SPMIP2: variants seen among roughly 807,000 people sequenced by gnomAD.
SPMIP2 encodes protein SPMIP2.
At chr4:159,038,164 A>T in the SPMIP2 span, among the ~76,000 whole-genome samples, 1 of 152,190 alleles carries the variant, frequency 6.6e-6, no homozygotes, top group Non-Finnish European at 1.5e-5. Context: ...AGATTACTAG[A>T]AGGGATAGTC....
At chr4:159,071,077 A>AAG in the SPMIP2 span, among the ~76,000 whole-genome samples, 1 of 152,220 alleles carries the variant, frequency 6.6e-6, no homozygotes, top group Admixed American at 6.5e-5. Context: ...TGGATGATCA[A>AAG]AGCATGGTCT....
the SPMIP2 span, among the ~76,000 whole-genome samples, chr4:159,044,572 T>C: frequency 2.0e-5 from 3 of 151,674 alleles, no homozygotes; most frequent in African/African-American, 7.3e-5. Flanking sequence ...GCTTTGGAAC[T>C]GGGGGAAAAA....
the SPMIP2 span, among the ~76,000 whole-genome samples, chr4:158,973,905 A>G: frequency 6.7e-6 from 1 of 149,168 alleles, no homozygotes; most frequent in African/African-American, 2.5e-5. Flanking sequence ...AGGATTGCTT[A>G]AGCCCAGGAG....
chr4:158,949,995 C>G, the SPMIP2 span, among the ~76,000 whole-genome samples: 1 of 152,222 alleles, frequency 6.6e-6, no homozygotes, highest in Non-Finnish European at 1.5e-5. Context: ...CTGGTCATGG[C>G]TGACAACCAC....
chr4:158,916,184 G>A, the SPMIP2 span, among the ~76,000 whole-genome samples: 1 of 152,170 alleles, frequency 6.6e-6, no homozygotes, highest in African/African-American at 2.4e-5. Flanking sequence ...ACAAGGCACC[G>A]TGAGGACCAG....
At chr4:159,063,325 G>A in the SPMIP2 span, among the ~76,000 whole-genome samples, 13 of 152,132 alleles carry the variant, frequency 8.5e-5, no homozygotes, top group African/African-American at 2.9e-4. Context: ...TTGGGAGACC[G>A]AGACAGGAGG....
the SPMIP2 span, among the ~76,000 whole-genome samples, chr4:159,027,975 G>A: frequency 2.0e-5 from 3 of 152,034 alleles, no homozygotes; most frequent in South Asian, 4.1e-4. Context: ...AATATTTCTG[G>A]TTTACATGAG....
the SPMIP2 span, among the ~76,000 whole-genome samples, chr4:158,901,855 T>C: frequency 1.4e-3 from 211 of 152,066 alleles, 1 homozygote; most frequent in African/African-American, 5.0e-3. Context: ...TATGTTCTTC[T>C]CTAAGCTAGT....
the SPMIP2 span, among the ~76,000 whole-genome samples, chr4:159,047,131 C>G: frequency 6.6e-6 from 1 of 152,106 alleles, no homozygotes; most frequent in Non-Finnish European, 1.5e-5. Context: ...GCTCTGGAAC[C>G]TAGCATTTAG....
the SPMIP2 span, among the ~76,000 whole-genome samples, chr4:158,933,678 C>CT: frequency 2.0e-5 from 3 of 151,468 alleles, no homozygotes; most frequent in African/African-American, 7.2e-5. Flanking sequence ...ACTTGCAAAA[C>CT]TTTTTTATGT....
chr4:158,935,547 T>C, the SPMIP2 span, among the ~76,000 whole-genome samples: 6 of 152,330 alleles, frequency 3.9e-5, no homozygotes, highest in African/African-American at 1.2e-4. Flanking sequence ...CAATTGTGCT[T>C]GTTTCTCTAA....
the SPMIP2 span, among the ~76,000 whole-genome samples, chr4:159,066,204 G>T: frequency 1.3e-5 from 2 of 152,070 alleles, no homozygotes; most frequent in African/African-American, 2.4e-5. Context: ...GAAACATTTT[G>T]CCATAAAACA....
chr4:158,967,086 T>C, the SPMIP2 span, among the ~76,000 whole-genome samples: 2 of 152,194 alleles, frequency 1.3e-5, no homozygotes, highest in African/African-American at 4.8e-5. Flanking sequence ...CCTTGATGTT[T>C]CCATGGTCTG....
At chr4:158,941,504 T>A in the SPMIP2 span, among the ~76,000 whole-genome samples, 5 of 152,118 alleles carry the variant, frequency 3.3e-5, no homozygotes, top group Non-Finnish European at 7.4e-5. Flanking sequence ...AAAAAAATTT[T>A]AAAAATTAGC....
the SPMIP2 span, among the ~76,000 whole-genome samples, chr4:158,956,631 G>A: frequency 6.6e-6 from 1 of 152,194 alleles, no homozygotes; most frequent in Admixed American, 6.5e-5. Context: ...TGAGCTCTGT[G>A]ACCCTGGTCA....
chr4:159,017,419 A>T, the SPMIP2 span, among the ~76,000 whole-genome samples: 1 of 151,632 alleles, frequency 6.6e-6, no homozygotes, highest in Non-Finnish European at 1.5e-5. Context: ...CCTGCAAATC[A>T]GTTCATTCAT....
chr4:158,936,668 A>G, the SPMIP2 span, among the ~76,000 whole-genome samples: 1 of 152,234 alleles, frequency 6.6e-6, no homozygotes, highest in Non-Finnish European at 1.5e-5. Flanking sequence ...CCTTTGGAAG[A>G]TTCACAGGAA....
At chr4:158,956,002 C>CA in the SPMIP2 span, among the ~76,000 whole-genome samples, 1 of 152,168 alleles carries the variant, frequency 6.6e-6, no homozygotes, top group Non-Finnish European at 1.5e-5. Flanking sequence ...TTTCTGAGGC[C>CA]ACTGATCACC....
chr4:159,058,248 T>C, the SPMIP2 span, among the ~76,000 whole-genome samples: 2 of 152,072 alleles, frequency 1.3e-5, no homozygotes, highest in African/African-American at 2.4e-5. Flanking sequence ...AATAGTATTA[T>C]TTTCTAAATG....
Sources: gnomAD v4.1 joint callset for allele counts (sites outside exome capture counted in the v4.1 genomes callset) on GRCh38, gnomAD v4.1.1 for gene constraint, MANE v1.5 for transcripts, NCBI Gene and HGNC (gene_info 2026-07-23, HGNC 2026-07-21) for gene names.